SLCO3A1: variants seen among roughly 807,000 people sequenced by gnomAD.
The protein encoded by SLCO3A1 is PGE1 transporter.
A neutral mutation model predicts 63.1 loss-of-function variants in SLCO3A1; 27 were observed. The ratio of observed to expected loss-of-function variants is 0.43; its 90% CI spans 0.32 to 0.59. The LOEUF (loss-of-function observed/expected upper bound fraction) is 0.59, where lower values mean the gene tolerates loss of function less well. Among genes scored for constraint, SLCO3A1 ranks in the 20% least tolerant of loss-of-function variants. The probability of loss-of-function intolerance (pLI) is 0.09; values close to 1 mark genes in which losing one functional copy is unlikely to be tolerated. For synonymous variants in SLCO3A1, 473 were observed against 409.9 expected, an observed-to-expected ratio of 1.15 and a Z score of -1.86; for missense variants, 773 against 945.8, an observed-to-expected ratio of 0.82 and a Z score of 2.40.
At chr15:92,031,553 G>C (rs2151479905) in intron 2 of SLCO3A1, among the ~76,000 whole-genome samples, 1 of 152,248 alleles carries the variant, frequency 6.6e-6, no homozygotes, top group East Asian at 1.9e-4. Context: ...CTTCCTCTTG[G>C]GAATTTCACT....
chr15:91,923,532 T>C (rs932056443), intron 2 of SLCO3A1, among the ~76,000 whole-genome samples: 1 of 152,194 alleles, frequency 6.6e-6, no homozygotes, highest in Non-Finnish European at 1.5e-5. Flanking sequence ...CAGCCCAGAG[T>C]ATGGCCATTG....
At chr15:92,145,410 C>T (rs2048208437) in intron 7 of SLCO3A1, among the ~76,000 whole-genome samples, 2 of 136,800 alleles carry the variant, frequency 1.5e-5, no homozygotes, top group African/African-American at 5.4e-5. Context: ...TATTCTAAAG[C>T]TGTATGCTTA....
At chr15:91,870,851 G>T (rs12438944) in intron 1 of SLCO3A1, among the ~76,000 whole-genome samples, 1 of 151,444 alleles carries the variant, frequency 6.6e-6, no homozygotes, top group African/African-American at 2.4e-5. Flanking sequence ...AGTTTTCAAC[G>T]TATTTCTTTA....
At chr15:92,150,371 G>A (rs916217374) in intron 8 of SLCO3A1, among the ~76,000 whole-genome samples, 1 of 152,108 alleles carries the variant, frequency 6.6e-6, no homozygotes, top group Admixed American at 6.6e-5. Context: ...GACACACCCA[G>A]GATCAATACT....
At chr15:91,871,753 T>A (rs1897282950) in intron 1 of SLCO3A1, among the ~76,000 whole-genome samples, 1 of 115,696 alleles carries the variant, frequency 8.6e-6, no homozygotes, top group Non-Finnish European at 1.7e-5. Flanking sequence ...GTGCTCATTT[T>A]GTTTTTTTTT....
intron 1 of SLCO3A1, among the ~76,000 whole-genome samples, chr15:91,858,617 G>A (rs1896980046): frequency 6.6e-6 from 1 of 152,174 alleles, no homozygotes; most frequent in Admixed American, 6.5e-5. Flanking sequence ...GAAAAGGATC[G>A]CCAAGAGGCC....
chr15:92,108,943 T>C (rs207964), intron 4 of SLCO3A1, among the ~76,000 whole-genome samples: 136,424 of 152,034 alleles, frequency 0.9, 61,463 homozygotes, highest in African/African-American at 0.97. Flanking sequence ...GGCAGTCTCT[T>C]TGCTTGTCTG....
intron 1 of SLCO3A1, among the ~76,000 whole-genome samples, chr15:91,866,040 GT>G (rs1451889692): frequency 7.9e-5 from 12 of 152,288 alleles, no homozygotes; most frequent in African/African-American, 2.9e-4. Context: ...GACAGTCCCT[GT>G]TTCCTTTCTG....
chr15:91,884,906 G>A (rs569103064), intron 1 of SLCO3A1, among the ~76,000 whole-genome samples: 20 of 151,850 alleles, frequency 1.3e-4, no homozygotes, highest in Admixed American at 3.3e-4. Flanking sequence ...TGAGCATCAC[G>A]GAAACTAGTC....
chr15:91,960,105 T>C (rs1034834969), intron 2 of SLCO3A1, among the ~76,000 whole-genome samples: 1 of 152,128 alleles, frequency 6.6e-6, no homozygotes, highest in African/African-American at 2.4e-5. Context: ...TGCCTTAGCC[T>C]CCCGAGTAGC....
chr15:91,870,851 G>A (rs12438944), intron 1 of SLCO3A1, among the ~76,000 whole-genome samples: 57,004 of 151,504 alleles, frequency 0.38, 11,499 homozygotes, highest in East Asian at 0.69. Flanking sequence ...AGTTTTCAAC[G>A]TATTTCTTTA....
In SLCO3A1 at chr15:91,883,851, T is replaced by C. The variant is rs1897658452; in HGVS notation, c.180+29763T>C. On this transcript the variant is annotated intron_variant, in intron 1 of 9. Coordinates refer to ENST00000318445, the MANE Select transcript of SLCO3A1 (RefSeq NM_013272.4). The surrounding 1 kb of genome is among the most constrained non-coding windows in gnomAD (Gnocchi z 4.8). Reference sequence around the variant, plus strand: ...GGTCCACACCCCGTGCCAGGCACCGTGTTACATGCATTTCTTCTGCTGTCC... The same window carrying C: ...GGTCCACACCCCGTGCCAGGCACCGCGTTACATGCATTTCTTCTGCTGTCC... Among the ~76,000 whole-genome samples, 1 of 152,218 alleles carries C rather than the reference T, an allele frequency of 6.6e-6. No individual in the cohort carries two copies. Among genetic ancestry groups the C allele is most frequent in the South Asian group, 2.1e-4 (1 of 4,830 alleles).
chr15:92,163,024 C>T lies in SLCO3A1; in HGVS notation c.2022C>T (p.Thr674=). The T allele has an allele frequency of 6.2e-7, 1 of 1,605,976 alleles. No homozygotes were observed. The highest frequency in any genetic ancestry group is 2.2e-5 in the East Asian group (1 of 44,804). Reference sequence around the variant, plus strand: ...GTGAGTTCTTTGCCTCTACTCTGACCCTAGACAACCTGGGGAGGGACCCTG... The same window carrying T: ...GTGAGTTCTTTGCCTCTACTCTGACTCTAGACAACCTGGGGAGGGACCCTG... ...STSEFFASTL[T]LDNLGRDPVP... Residue 674 remains threonine, a synonymous_variant, in exon 10 of 10, where the codon ACC becomes ACT. Transcript: ENST00000318445.
chr15:91,921,762 C>G (rs1473732068), intron 2 of SLCO3A1, among the ~76,000 whole-genome samples: 1 of 151,114 alleles, frequency 6.6e-6, no homozygotes, highest in Non-Finnish European at 1.5e-5. Context: ...TGAAGTCTCA[C>G]TCTGTCACCC....
At chr15:91,913,945 G>A (rs1290593217) in intron 1 of SLCO3A1, among the ~76,000 whole-genome samples, 1 of 152,070 alleles carries the variant, frequency 6.6e-6, no homozygotes, top group African/African-American at 2.4e-5. Flanking sequence ...TGGCCCAGCT[G>A]TCTTCACTGC....
intron 2 of SLCO3A1, among the ~76,000 whole-genome samples, chr15:91,991,700 A>G (rs1225946067): frequency 6.6e-6 from 1 of 152,254 alleles, no homozygotes; most frequent in East Asian, 1.9e-4. Context: ...GAGATTTCAC[A>G]TTCTGTTTTT....
At chr15:92,082,413 G>T (rs559701111) in intron 2 of SLCO3A1, among the ~76,000 whole-genome samples, 1 of 152,148 alleles carries the variant, frequency 6.6e-6, no homozygotes, top group African/African-American at 2.4e-5. Flanking sequence ...GGATGTTCAA[G>T]CAGCCTGGAA....
At chr15:92,146,916 G>A in intron 7 of SLCO3A1, 68 bp from the exon 8 acceptor site, 1 of 1,434,060 alleles carries the variant, frequency 7.0e-7, no homozygotes, top group Non-Finnish European at 9.5e-7. Context: ...AGATTCAGCT[G>A]ATGGATGGCT....
chr15:91,896,672 G>A (rs1196788456), intron 1 of SLCO3A1, among the ~76,000 whole-genome samples: 1 of 152,208 alleles, frequency 6.6e-6, no homozygotes, highest in Non-Finnish European at 1.5e-5. Context: ...ATGATTGTGA[G>A]GCCTCCCCAG....
Sources: allele counts gnomAD v4.1 joint callset (sites outside exome capture counted in the v4.1 genomes callset), GRCh38; gene constraint gnomAD v4.1.1; non-coding constraint Gnocchi (gnomAD v3.1); transcripts MANE v1.5; gene names NCBI Gene and HGNC (gene_info 2026-07-23, HGNC 2026-07-21).